Variants in ERC1 observed in about 807,000 individuals in gnomAD.
The protein encoded by ERC1 is ELKS/RAB6-interacting/CAST family member 1.
Under a neutral mutation model 132.0 loss-of-function variants are expected in ERC1, and 56 were observed. The observed-to-expected ratio is 0.42, with a 90% CI of 0.34 to 0.53. ERC1 has a LOEUF of 0.53. Ranked by LOEUF, ERC1 falls within the 20% of genes least tolerant of loss-of-function variation. The pLI is 0.03. For synonymous variants in ERC1, 478 were observed against 476.1 expected (o/e 1.00, Z -0.05); for missense variants, 1,202 against 1,349.9 (o/e 0.89, Z 1.72).
At chr12:1,304,709 T>A (rs2154346704) in intron 15 of ERC1, among the ~76,000 whole-genome samples, 1 of 151,624 alleles carries the variant, frequency 6.6e-6, no homozygotes, top group East Asian at 1.9e-4. Context: ...TTATGCTTAT[T>A]TAAAGGCCCT....
rs546185275 is a variant in ERC1, at chr12:1,428,441, G to A, written c.3025-16121G>A. On this transcript the variant is annotated intron_variant, in intron 17 of 18. Transcript: ENST00000360905. ...TATCCTATAATTGGGTTCCGTTCATGTGTATTAGTGTCCCAGGCTGATCTT... is the reference window on the plus strand; with the variant it reads ...TATCCTATAATTGGGTTCCGTTCATATGTATTAGTGTCCCAGGCTGATCTT... Among the ~76,000 whole-genome samples the A allele has an allele frequency of 2.0e-5, 3 of 152,280 alleles. No homozygotes were observed. The South Asian group carries it at 6.2e-4, about 32-fold the overall frequency.
At chr12:1,192,897 G>A (rs775222471) in intron 12 of ERC1, among the ~76,000 whole-genome samples, 12 of 152,126 alleles carry the variant, frequency 7.9e-5, no homozygotes, top group Non-Finnish European at 1.5e-4. Flanking sequence ...TTCTGATATT[G>A]CTAGTTGTGA....
At chr12:998,882 C>T (rs1388002585) in intron 1 of ERC1, among the ~76,000 whole-genome samples, 1 of 120,956 alleles carries the variant, frequency 8.3e-6, no homozygotes, top group East Asian at 2.7e-4. Flanking sequence ...TTTTTTGAGG[C>T]AGAGTCTTGC....
chr12:1,232,461 C>T (rs947275974), intron 12 of ERC1, among the ~76,000 whole-genome samples: 4 of 152,184 alleles, frequency 2.6e-5, no homozygotes, highest in East Asian at 1.9e-4. Flanking sequence ...AATGCTGCAT[C>T]GGAGCTTCTG....
chr12:1,490,194 A>G lies in ERC1; in HGVS notation c.3315A>G (p.Leu1105=), dbSNP rs769874682. Residue 1105 remains leucine (L), a synonymous_variant, in exon 19 of 19, where the codon CTA becomes CTG. Transcript: ENST00000360905. ...QQIADHCPDI[L]EQVVNALEES... is the part of the protein sequence containing the mutation. ...TAGCAGACCATTGTCCCGACATCCT[A>G]GAGCAAGTGGTCAACGCCCTGGAAG... The G allele has an allele frequency of 6.2e-7, 1 of 1,614,160 alleles. No homozygotes were observed. Among genetic ancestry groups the G allele is most frequent in the South Asian group, 1.1e-5 (1 of 91,086 alleles).
At chr12:1,274,150 C>G (rs2078077150) in intron 14 of ERC1, among the ~76,000 whole-genome samples, 1 of 152,136 alleles carries the variant, frequency 6.6e-6, no homozygotes, top group Non-Finnish European at 1.5e-5. Context: ...TGAGAGTCAT[C>G]TACATTAGAT....
At chr12:1,418,595 CTTTCTTTCTTTCTTTCTTTCTT>C (rs2092249513) in intron 17 of ERC1, among the ~76,000 whole-genome samples, 31 of 38,040 alleles carry the variant, frequency 8.1e-4, no homozygotes, top group Admixed American at 7.6e-3. Flanking sequence ...CTTTCTCTTT[CTTTCTTTCTTTCTTTCTTTCTT>C]TCTTTCTTTC....
chr12:1,102,725 A>G (rs1183026281), intron 3 of ERC1, among the ~76,000 whole-genome samples: 1 of 152,244 alleles, frequency 6.6e-6, no homozygotes, highest in Non-Finnish European at 1.5e-5. Context: ...CGTAGAGAAT[A>G]ATAAGTAAAC....
chr12:1,276,778 C>T (rs1398690745), intron 14 of ERC1, among the ~76,000 whole-genome samples: 1 of 152,046 alleles, frequency 6.6e-6, no homozygotes, highest in Admixed American at 6.5e-5. Flanking sequence ...AAATTATGAG[C>T]GAATAAATGA....
chr12:1,309,172 ATAGAC>A (rs370711833), intron 15 of ERC1, among the ~76,000 whole-genome samples: 379 of 152,364 alleles, frequency 2.5e-3, no homozygotes, highest in African/African-American at 8.5e-3. Flanking sequence ...AGCGGCTTGA[ATAGAC>A]TAAGATACAC....
At chr12:1,409,555 A>G (rs918808212) in intron 17 of ERC1, among the ~76,000 whole-genome samples, 1 of 152,178 alleles carries the variant, frequency 6.6e-6, no homozygotes, top group Non-Finnish European at 1.5e-5. Context: ...AAGAAGTATA[A>G]TGACAAACTA....
At chr12:1,410,295 A>G in intron 17 of ERC1, 1 of 465,902 alleles carries the variant, frequency 2.1e-6, no homozygotes, top group African/African-American at 2.0e-5. Flanking sequence ...CTTCTGCTAC[A>G]TTATGCTTAT....
chr12:1,356,292 T>C (rs1203083892), intron 15 of ERC1, among the ~76,000 whole-genome samples: 1 of 151,568 alleles, frequency 6.6e-6, no homozygotes, highest in Non-Finnish European at 1.5e-5. Flanking sequence ...CCAGAGGTCA[T>C]ATGCAAAATA....
chr12:1,387,366 G>A (rs1418066213), intron 16 of ERC1, among the ~76,000 whole-genome samples: 1 of 152,168 alleles, frequency 6.6e-6, no homozygotes, highest in Non-Finnish European at 1.5e-5. Context: ...AAGGCAGGCT[G>A]TAGTAGATGG....
intron 2 of ERC1, among the ~76,000 whole-genome samples, chr12:1,048,482 T>C (rs974927739): frequency 1.3e-5 from 2 of 152,140 alleles, no homozygotes; most frequent in African/African-American, 2.4e-5. Flanking sequence ...TGCCCACTCA[T>C]TGGCTTCAGA....
intron 1 of ERC1, among the ~76,000 whole-genome samples, chr12:1,010,789 C>T (rs187236021): frequency 2.0e-4 from 30 of 151,958 alleles, no homozygotes; most frequent in African/African-American, 5.5e-4. Context: ...CTGGGATTAC[C>T]GAACCCGGCT....
At chr12:1,052,105 C>A (rs1233014988) in intron 2 of ERC1, among the ~76,000 whole-genome samples, 2 of 152,182 alleles carry the variant, frequency 1.3e-5, no homozygotes, top group Non-Finnish European at 2.9e-5. Flanking sequence ...TCAGAATTAA[C>A]TGGAGGGTTT....
At chr12:1,245,944 T>C (rs1403587255) in intron 13 of ERC1, among the ~76,000 whole-genome samples, 1 of 152,182 alleles carries the variant, frequency 6.6e-6, no homozygotes, top group Non-Finnish European at 1.5e-5. Context: ...TTTTTTTCTT[T>C]TTTTAAATAG....
intron 7 of ERC1, among the ~76,000 whole-genome samples, chr12:1,127,524 C>T (rs1354650608): frequency 2.0e-5 from 3 of 148,524 alleles, no homozygotes; most frequent in Non-Finnish European, 4.5e-5. Flanking sequence ...TTTTTTGAGA[C>T]GGAGTTTTAC....
Sources: allele counts gnomAD v4.1 joint callset (sites outside exome capture counted in the v4.1 genomes callset), GRCh38; gene constraint gnomAD v4.1.1; transcripts MANE v1.5; gene names NCBI Gene and HGNC (gene_info 2026-07-23, HGNC 2026-07-21).